The following NCOA1 variants were observed in gnomAD, a reference collection of about 807,000 sequenced individuals.
The protein encoded by NCOA1 is nuclear receptor coactivator 1.
Under a neutral mutation model 150.9 loss-of-function variants are expected in NCOA1, and 35 were observed. That is an observed-to-expected ratio of 0.23 (90% CI 0.18 to 0.31). The LOEUF is 0.31. NCOA1 is among the 10% of genes least tolerant of loss of function. The pLI is 1.00. For synonymous variants in NCOA1, 590 were observed against 630.0 expected (o/e 0.94, Z 0.95); for missense variants, 1,491 against 1,749.3 (o/e 0.85, Z 2.63).
rs1271468598 is a variant in NCOA1 at position 24,739,477 on chromosome 2, A to T, written c.3247A>T (p.Thr1083Ser). The T allele has an allele frequency of 6.2e-7, 1 of 1,613,962 alleles. No individual in the cohort carries two copies. Among genetic ancestry groups the T allele is most frequent in the Non-Finnish European group, 8.5e-7 (1 of 1,179,870 alleles). ...AGCTATCTTAAACCAGTTTGCAGCA[A>T]CTGCTCCTGTTGGCATCAATATGAG... Reference protein sequence around the residue: ...RQAILNQFAATAPVGINMRSG... With the variant: ...RQAILNQFAASAPVGINMRSG... Residue 1083 changes from threonine to serine, a missense_variant, in exon 18 of 23, where the codon ACT becomes TCT. Physicochemically the swap from Thr to Ser is moderately conservative, Grantham distance 58 (BLOSUM62 1). This residue lies in a region of NCOA1 where 485 missense variants were observed against 522.8 expected (regional missense o/e 0.93). Coordinates refer to ENST00000348332, the MANE Select transcript of NCOA1 (RefSeq NM_003743.5).
At chr2:24,576,089 C>CT (rs1666942032) in intron 2 of NCOA1, among the ~76,000 whole-genome samples, 1 of 147,910 alleles carries the variant, frequency 6.8e-6, no homozygotes, top group Non-Finnish European at 1.5e-5. Context: ...TTACTCTACC[C>CT]TATTGGAATA....
At chr2:24,531,649 C>A (rs1388435180) in intron 1 of NCOA1, among the ~76,000 whole-genome samples, 2 of 152,086 alleles carry the variant, frequency 1.3e-5, no homozygotes, top group African/African-American at 4.8e-5. Context: ...ATGTGTCCTG[C>A]CCTGTGTCCA....
At chr2:24,607,001 T>G (rs1369770133) in intron 3 of NCOA1, among the ~76,000 whole-genome samples, 1 of 152,152 alleles carries the variant, frequency 6.6e-6, no homozygotes, top group East Asian at 1.9e-4. Context: ...GATTTTCACT[T>G]GGGGATGCTC....
intron 1 of NCOA1, among the ~76,000 whole-genome samples, chr2:24,561,652 A>G (rs1035191935): frequency 6.6e-6 from 1 of 152,204 alleles, no homozygotes; most frequent in Non-Finnish European, 1.5e-5. Flanking sequence ...AGAAAGGAGC[A>G]CTTTGTATAG....
At position 24,752,084 on chromosome 2, in the gene NCOA1, A is replaced by G; in HGVS notation, c.3809A>G (p.Gln1270Arg). Residue 1270 changes from glutamine to arginine, a missense_variant, in exon 20 of 23, where the codon CAA (glutamine) becomes CGA (arginine). Transcript: ENST00000348332. ...IPPPQSSLLQQTPPASGYQSP... is the reference protein window; with the variant it reads ...IPPPQSSLLQRTPPASGYQSP... ...CCTCCTCAGAGTTCTCTTCTCCAGC[A>G]AACTCCACCTGCCTCCGGGTATCAG... The G allele has an allele frequency of 6.2e-7, 1 of 1,614,176 alleles. No individual in the cohort carries two copies. The highest frequency in any genetic ancestry group is 8.5e-7 in the Non-Finnish European group (1 of 1,180,028).
chr2:24,580,977 C>A (rs56156237), intron 2 of NCOA1, among the ~76,000 whole-genome samples: 9,966 of 152,256 alleles, frequency 0.065, 366 homozygotes, highest in Non-Finnish European at 0.08. Context: ...TCATTACTTT[C>A]CTGTGGGGAT....
intron 2 of NCOA1, among the ~76,000 whole-genome samples, chr2:24,572,370 T>C (rs867402400): frequency 7.9e-5 from 12 of 152,146 alleles, no homozygotes; most frequent in African/African-American, 2.2e-4. Flanking sequence ...TACTTGTTTA[T>C]TGGGGGTGAA....
intron 1 of NCOA1, among the ~76,000 whole-genome samples, chr2:24,549,692 G>A (rs1170215051): frequency 6.6e-6 from 1 of 152,152 alleles, no homozygotes; most frequent in African/African-American, 2.4e-5. Flanking sequence ...TCAGCCTGCT[G>A]AGTAGCTGGG....
At chr2:24,709,122 T>C (rs559959270) in intron 13 of NCOA1, among the ~76,000 whole-genome samples, 90 of 152,338 alleles carry the variant, frequency 5.9e-4, no homozygotes, top group African/African-American at 2.1e-3. Flanking sequence ...ATGAAACTAA[T>C]TTTTAAGCAG....
At chr2:24,533,616 G>A (rs565845394) in intron 1 of NCOA1, among the ~76,000 whole-genome samples, 75 of 152,214 alleles carry the variant, frequency 4.9e-4, no homozygotes, top group Middle Eastern at 3.4e-3. Flanking sequence ...TTTGAGATAT[G>A]TTCCATCAAT....
chr2:24,549,081 C>G (rs919806067), intron 1 of NCOA1, among the ~76,000 whole-genome samples: 7 of 152,204 alleles, frequency 4.6e-5, no homozygotes, highest in Non-Finnish European at 8.8e-5. Context: ...AGAGCCCCGC[C>G]CCTGCAACAA....
intron 3 of NCOA1, among the ~76,000 whole-genome samples, chr2:24,627,550 A>G (rs1669487475): frequency 6.6e-6 from 1 of 151,996 alleles, no homozygotes. Flanking sequence ...GATAAAATCT[A>G]TGCCAGTTTT....
At chr2:24,692,209 A>G (rs1672697570) in intron 9 of NCOA1, among the ~76,000 whole-genome samples, 1 of 152,220 alleles carries the variant, frequency 6.6e-6, no homozygotes, top group South Asian at 2.1e-4. Context: ...GACTGGGCTA[A>G]GTTTAGAAAA....
intron 1 of NCOA1, among the ~76,000 whole-genome samples, chr2:24,497,528 C>A (rs906212950): frequency 6.6e-6 from 1 of 152,070 alleles, no homozygotes; most frequent in Non-Finnish European, 1.5e-5. Flanking sequence ...AAAAAATAGC[C>A]GGGTGTGGTG....
intron 19 of NCOA1, among the ~76,000 whole-genome samples, chr2:24,744,866 A>G (rs1311366408): frequency 2.0e-5 from 3 of 152,246 alleles, no homozygotes; most frequent in African/African-American, 7.2e-5. Context: ...TATGGCCTAC[A>G]AAACTGAAAA....
chr2:24,631,736 C>T (rs1669720488), intron 3 of NCOA1, among the ~76,000 whole-genome samples: 1 of 152,130 alleles, frequency 6.6e-6, no homozygotes, highest in Non-Finnish European at 1.5e-5. Flanking sequence ...ATGGTGTCAG[C>T]TTGTGTGTAC....
intron 11 of NCOA1, among the ~76,000 whole-genome samples, chr2:24,700,050 G>A (rs1231779150): frequency 6.6e-6 from 1 of 152,000 alleles, no homozygotes; most frequent in Non-Finnish European, 1.5e-5. Context: ...GGCTGAGGCA[G>A]GAGAATCACT....
chr2:24,492,818 A>G (rs1002672375), intron 1 of NCOA1, among the ~76,000 whole-genome samples: 6 of 152,236 alleles, frequency 3.9e-5, no homozygotes, highest in Non-Finnish European at 7.3e-5. Context: ...GCTGGTGCTT[A>G]CATTTCAGTG....
chr2:24,754,331 C>T (rs1664396900), intron 20 of NCOA1, among the ~76,000 whole-genome samples: 1 of 152,126 alleles, frequency 6.6e-6, no homozygotes, highest in Non-Finnish European at 1.5e-5. Flanking sequence ...GAATAGGGCC[C>T]GTAAAACCCC....
Sources: allele counts gnomAD v4.1 joint callset (sites outside exome capture counted in the v4.1 genomes callset), GRCh38; gene constraint gnomAD v4.1.1; regional missense constraint gnomAD v4.1.1; transcripts MANE v1.5; gene names NCBI Gene and HGNC (gene_info 2026-07-23, HGNC 2026-07-21).